ADAM18: variants seen among roughly 807,000 people sequenced by gnomAD.
The protein encoded by ADAM18 is disintegrin and metalloproteinase domain-containing protein 18.
ADAM18 carries 117 observed loss-of-function variants against 94.4 expected under a neutral mutation model. The observed-to-expected ratio is 1.24, with a 90% CI of 1.07 to 1.45. ADAM18 has a LOEUF of 1.45. Ranked by LOEUF, ADAM18 falls within the 40% of genes most tolerant of loss-of-function variation. ADAM18 has a pLI of 0.00. For missense variants in ADAM18, 936 were observed against 880.0 expected, an observed-to-expected ratio of 1.06 and a Z score of -0.81; for synonymous variants, 327 against 291.6, an observed-to-expected ratio of 1.12 and a Z score of -1.24.
intron 7 of ADAM18, among the ~76,000 whole-genome samples, chr8:39,631,834 TTTGTTAATTCCTTTCGTCAG>T (rs1281247520): frequency 6.6e-6 from 1 of 152,038 alleles, no homozygotes; most frequent in Non-Finnish European, 1.5e-5. Context: ...CTTTACATTT[TTTGTTAATTCCTTTCGTCAG>T]TGTTCTATGG....
chr8:39,628,451 AGATAGATAAAC>A (rs1264284709), intron 6 of ADAM18, among the ~76,000 whole-genome samples: 21 of 152,076 alleles, frequency 1.4e-4, no homozygotes, highest in Non-Finnish European at 2.7e-4. Context: ...ATAGATAGAT[AGATAGATAAAC>A]AACAATAGAT....
intron 17 of ADAM18, among the ~76,000 whole-genome samples, chr8:39,694,472 G>T (rs1332380470): frequency 1.3e-5 from 2 of 151,270 alleles, no homozygotes; most frequent in African/African-American, 4.8e-5. Flanking sequence ...TATTTTATTT[G>T]ATATAAATGT....
At chr8:39,684,683 G>T (rs1311970759) in intron 16 of ADAM18, among the ~76,000 whole-genome samples, 1 of 152,106 alleles carries the variant, frequency 6.6e-6, no homozygotes, top group Non-Finnish European at 1.5e-5. Context: ...CAGCTCCACT[G>T]GGCATTGCCC....
At chr8:39,670,090 T>C (rs1427126341) in intron 14 of ADAM18, among the ~76,000 whole-genome samples, 1 of 152,136 alleles carries the variant, frequency 6.6e-6, no homozygotes, top group Non-Finnish European at 1.5e-5. Context: ...TTTTCATGTG[T>C]TTTTTGGCTG....
intron 13 of ADAM18, among the ~76,000 whole-genome samples, chr8:39,667,444 C>G (rs1821022597): frequency 6.6e-6 from 1 of 150,516 alleles, no homozygotes; most frequent in South Asian, 2.1e-4. Context: ...TGATAGCTAT[C>G]ATATATGCAC....
chr8:39,586,026 A>G (rs1818383684), intron 2 of ADAM18, among the ~76,000 whole-genome samples: 1 of 152,226 alleles, frequency 6.6e-6, no homozygotes, highest in African/African-American at 2.4e-5. Flanking sequence ...ATTTCTATGC[A>G]GTCAAAATGG....
chr8:39,653,794 G>C (rs928637000), intron 12 of ADAM18, among the ~76,000 whole-genome samples: 16 of 152,186 alleles, frequency 1.1e-4, no homozygotes, highest in Non-Finnish European at 1.5e-5. Flanking sequence ...GTTCAAATCA[G>C]GGTACCTGGG....
chr8:39,720,553 C>A (rs1382366178), intron 18 of ADAM18, among the ~76,000 whole-genome samples: 1 of 151,294 alleles, frequency 6.6e-6, no homozygotes, highest in African/African-American at 2.4e-5. Flanking sequence ...ACTAGTTAAA[C>A]CCATTCTTTA....
At chr8:39,700,179 GA>G (rs1822024535) in intron 17 of ADAM18, among the ~76,000 whole-genome samples, 1 of 152,068 alleles carries the variant, frequency 6.6e-6, no homozygotes, top group Non-Finnish European at 1.5e-5. Context: ...ATTAAAAATT[GA>G]TTTTTAAGAA....
chr8:39,633,414 T>C, intron 7 of ADAM18, among the ~76,000 whole-genome samples: 1 of 152,174 alleles, frequency 6.6e-6, no homozygotes, highest in East Asian at 1.9e-4. Context: ...GTAGGGAAGT[T>C]GTGAATCTTT....
intron 18 of ADAM18, among the ~76,000 whole-genome samples, chr8:39,722,217 G>GTATATATATATA (rs61542840): frequency 1.1e-5 from 1 of 91,584 alleles, no homozygotes; most frequent in Non-Finnish European, 2.0e-5. Context: ...GTGTGTGTGT[G>GTATATATATATA]TATATATATA....
rs561849831 is a variant in ADAM18, at chr8:39,703,810, C to T, written c.1903-2980C>T. 1.9e-3 allele frequency among the ~76,000 whole-genome samples: 293 copies of T among 151,772 alleles called. 3 individuals carry two copies. The highest frequency in any genetic ancestry group is 6.9e-3 in the African/African-American group (285 of 41,382). On this transcript the variant is annotated intron_variant, in intron 17 of 19. Transcript: ENST00000265707. Reference sequence around the variant, plus strand: ...TGAAAAAATTATAAGATAAATAGACCACTAGCTATACTAACCAAGAAGAAA... The same window carrying T: ...TGAAAAAATTATAAGATAAATAGACTACTAGCTATACTAACCAAGAAGAAA...
At chr8:39,671,220 G>A (rs141990243) in intron 14 of ADAM18, among the ~76,000 whole-genome samples, 8 of 152,326 alleles carry the variant, frequency 5.3e-5, no homozygotes, top group African/African-American at 1.7e-4. Context: ...CTATCAGTGA[G>A]CACCTCATCA....
intron 3 of ADAM18, among the ~76,000 whole-genome samples, chr8:39,607,443 T>G (rs1261859624): frequency 6.6e-6 from 1 of 152,232 alleles, no homozygotes; most frequent in African/African-American, 2.4e-5. Context: ...GAAATTATTC[T>G]CACTTAATTC....
In ADAM18 at chr8:39,613,443, C is replaced by T. The variant is rs147023666; in HGVS notation, c.522+2737C>T. ...AACCCAACTTACAAACATGGTCAAA[C>T]TCTCAAAGCATCAAAGAATATAAAA... On this transcript the variant is annotated intron_variant, in intron 6 of 19. Transcript: ENST00000265707. 2.8e-3 allele frequency among the ~76,000 whole-genome samples: 422 copies of T among 152,254 alleles called. 5 individuals carry two copies. The highest frequency in any genetic ancestry group is 9.7e-3 in the African/African-American group (404 of 41,532).
chr8:39,624,524 G>A (rs915328480), intron 6 of ADAM18, among the ~76,000 whole-genome samples: 9 of 152,150 alleles, frequency 5.9e-5, no homozygotes, highest in Middle Eastern at 3.2e-3. Context: ...TTTTATACCA[G>A]TACAATGCTA....
At chr8:39,588,687 T>C (rs1487353190) in intron 2 of ADAM18, among the ~76,000 whole-genome samples, 1 of 152,180 alleles carries the variant, frequency 6.6e-6, no homozygotes, top group Non-Finnish European at 1.5e-5. Flanking sequence ...GATGTGTTTA[T>C]TTCCTGCTAT....
intron 7 of ADAM18, among the ~76,000 whole-genome samples, chr8:39,633,068 C>T (rs1019883467): frequency 6.6e-6 from 1 of 152,102 alleles, no homozygotes; most frequent in African/African-American, 2.4e-5. Flanking sequence ...TTCTGCTTTC[C>T]TCTCCACGAG....
At chr8:39,623,998 A>T (rs1057464541) in intron 6 of ADAM18, among the ~76,000 whole-genome samples, 1 of 152,018 alleles carries the variant, frequency 6.6e-6, no homozygotes, top group African/African-American at 2.4e-5. Context: ...TTATGGTGGG[A>T]TTATTTGTTT....
Sources: gnomAD v4.1 joint callset for allele counts (sites outside exome capture counted in the v4.1 genomes callset) on GRCh38, gnomAD v4.1.1 for gene constraint, MANE v1.5 for transcripts, NCBI Gene and HGNC (gene_info 2026-07-23, HGNC 2026-07-21) for gene names.